The following MIPOL1 variants were observed in gnomAD, a reference collection of about 807,000 sequenced individuals.
MIPOL1 encodes mirror-image polydactyly 1.
In MIPOL1, 57 loss-of-function variants were observed where a neutral mutation model predicts 60.9. That is an observed-to-expected ratio of 0.94 (90% CI 0.76 to 1.17). The LOEUF (loss-of-function observed/expected upper bound fraction) is 1.17. Ranked by LOEUF, MIPOL1 falls within the 50% of genes most tolerant of loss-of-function variation. MIPOL1 has a pLI of 0.00. For missense variants in MIPOL1, 551 were observed against 511.6 expected, an observed-to-expected ratio of 1.08 and a Z score of -0.74; for synonymous variants, 179 against 168.8, an observed-to-expected ratio of 1.06 and a Z score of -0.47.
At chr14:37,308,579 C>A (rs2086993773) in intron 9 of MIPOL1, 60 bp downstream of exon 9, 28 of 1,283,174 alleles carry the variant, frequency 2.2e-5, no homozygotes, top group Non-Finnish European at 2.8e-5. Context: ...ATTTTTTTAA[C>A]CATTAAAAAC....
intron 11 of MIPOL1, among the ~76,000 whole-genome samples, chr14:37,429,499 A>G (rs187332352): frequency 6.6e-6 from 1 of 152,134 alleles, no homozygotes; most frequent in African/African-American, 2.4e-5. Flanking sequence ...AGAATTCTTC[A>G]CTTTTTAAGG....
At chr14:37,449,517 T>C (rs1236123649) in intron 11 of MIPOL1, among the ~76,000 whole-genome samples, 6 of 152,166 alleles carry the variant, frequency 3.9e-5, no homozygotes, top group Non-Finnish European at 8.8e-5. Context: ...ATTCGTTGCT[T>C]TTATACAAGT....
intron 7 of MIPOL1, among the ~76,000 whole-genome samples, chr14:37,288,339 T>G (rs761282160): frequency 6.6e-6 from 1 of 151,866 alleles, no homozygotes; most frequent in African/African-American, 2.4e-5. Flanking sequence ...AAAAGAGAGA[T>G]AGGGAGTGGG....
At chr14:37,465,419 A>G (rs998031874) in intron 11 of MIPOL1, among the ~76,000 whole-genome samples, 1 of 152,190 alleles carries the variant, frequency 6.6e-6, no homozygotes, top group Non-Finnish European at 1.5e-5. Flanking sequence ...GCAAAAACAT[A>G]TATAAATATT....
At chr14:37,424,318 A>G (rs889672898) in intron 11 of MIPOL1, among the ~76,000 whole-genome samples, 3 of 152,150 alleles carry the variant, frequency 2.0e-5, no homozygotes, top group Non-Finnish European at 4.4e-5. Context: ...CTAATCCACT[A>G]CTAGTGGTGT....
At chr14:37,394,117 G>A (rs2153522851) in intron 10 of MIPOL1, among the ~76,000 whole-genome samples, 1 of 115,818 alleles carries the variant, frequency 8.6e-6, no homozygotes, top group Non-Finnish European at 1.8e-5. Context: ...TATATCCACA[G>A]TTTGTTTATC....
chr14:37,396,143 A>G (rs2093367645), intron 10 of MIPOL1, among the ~76,000 whole-genome samples: 1 of 151,752 alleles, frequency 6.6e-6, no homozygotes, highest in Admixed American at 6.6e-5. Flanking sequence ...TTGTTTCAAG[A>G]TTTAGAGCTC....
At chr14:37,337,341 TATATATATATATATA>T (rs1289167219) in intron 9 of MIPOL1, among the ~76,000 whole-genome samples, 2 of 26,768 alleles carry the variant, frequency 7.5e-5, no homozygotes, top group African/African-American at 3.2e-4. Flanking sequence ...TATATATATA[TATATATATATATATA>T]TTTTTTTTTT....
intron 9 of MIPOL1, among the ~76,000 whole-genome samples, chr14:37,321,997 T>C (rs898708171): frequency 1.3e-5 from 2 of 151,968 alleles, no homozygotes; most frequent in African/African-American, 4.8e-5. Flanking sequence ...ATATACCACT[T>C]GGAATCTATT....
At chr14:37,444,022 G>A (rs1231084943) in intron 11 of MIPOL1, among the ~76,000 whole-genome samples, 3 of 152,020 alleles carry the variant, frequency 2.0e-5, no homozygotes, top group Non-Finnish European at 4.4e-5. Context: ...TAATGACAAA[G>A]GCTATGATTT....
intron 12 of MIPOL1, among the ~76,000 whole-genome samples, chr14:37,524,565 C>CTTTTTTTTT (rs1173993657): frequency 1.6e-4 from 20 of 124,848 alleles, no homozygotes; most frequent in African/African-American, 6.2e-4. Context: ...TTTTCTTTTT[C>CTTTTTTTTT]TTTTCTTTTT....
chr14:37,233,383 G>T (rs904597056), intron 1 of MIPOL1, among the ~76,000 whole-genome samples: 2 of 152,028 alleles, frequency 1.3e-5, no homozygotes, highest in African/African-American at 2.4e-5. Context: ...ATATGTGGAG[G>T]CTTCAAAAAG....
Position 37,356,769 on chromosome 14 carries a change from C to T in MIPOL1, c.829-12748C>T, listed in dbSNP as rs140730751. On this transcript the variant is annotated intron_variant, in intron 9 of 12. Coordinates refer to ENST00000684589, the MANE Select transcript of MIPOL1 (RefSeq NM_001388067.1). ...CAATGCCTCGCCCTGCTTCGGCTCACGCACGGTGCGCGAACCCACTGACCT... is the reference window on the plus strand; with the variant it reads ...CAATGCCTCGCCCTGCTTCGGCTCATGCACGGTGCGCGAACCCACTGACCT... 2.5e-3 allele frequency among the ~76,000 whole-genome samples: 377 copies of T among 152,300 alleles called. 3 individuals are homozygous for T. The highest frequency in any genetic ancestry group is 8.2e-3 in the African/African-American group (340 of 41,566).
intron 1 of MIPOL1, among the ~76,000 whole-genome samples, chr14:37,232,594 C>T (rs1970805207): frequency 6.6e-6 from 1 of 152,112 alleles, no homozygotes; most frequent in Non-Finnish European, 1.5e-5. Flanking sequence ...ATACTTGTAC[C>T]TTTTAATATC....
chr14:37,512,166 C>CAA (rs779596513), intron 12 of MIPOL1, among the ~76,000 whole-genome samples: 2 of 151,140 alleles, frequency 1.3e-5, no homozygotes, highest in Admixed American at 1.3e-4. Context: ...ATTGACCAAA[C>CAA]ACACACACAC....
chr14:37,443,760 A>C (rs926261721), intron 11 of MIPOL1, among the ~76,000 whole-genome samples: 2 of 144,028 alleles, frequency 1.4e-5, no homozygotes, highest in African/African-American at 4.9e-5. Flanking sequence ...AAAAAAAAAA[A>C]AAAAAACCTC....
intron 3 of MIPOL1, among the ~76,000 whole-genome samples, chr14:37,266,234 A>G (rs1184611058): frequency 2.0e-5 from 3 of 152,190 alleles, no homozygotes; most frequent in Non-Finnish European, 4.4e-5. Flanking sequence ...ATTAGGTTAA[A>G]GCCAAAGAAA....
intron 7 of MIPOL1, among the ~76,000 whole-genome samples, chr14:37,292,666 C>T (rs957499660): frequency 4.6e-5 from 7 of 151,312 alleles, no homozygotes; most frequent in Non-Finnish European, 1.0e-4. Context: ...CTTTCAGTAG[C>T]GATGGGGTTT....
chr14:37,431,065 G>C (rs980757608), intron 11 of MIPOL1, among the ~76,000 whole-genome samples: 1 of 152,198 alleles, frequency 6.6e-6, no homozygotes, highest in Non-Finnish European at 1.5e-5. Context: ...AAAGGACCCA[G>C]AGTTTGTATT....
Sources: gnomAD v4.1 joint callset for allele counts (sites outside exome capture counted in the v4.1 genomes callset) on GRCh38, gnomAD v4.1.1 for gene constraint, MANE v1.5 for transcripts, NCBI Gene and HGNC (gene_info 2026-07-23, HGNC 2026-07-21) for gene names.